REPS1: variants seen among roughly 807,000 people sequenced by gnomAD.
REPS1 encodes the protein ralBP1-associated Eps domain-containing protein 1.
A neutral mutation model predicts 100.9 loss-of-function variants in REPS1; 39 were observed. That is an observed-to-expected ratio of 0.39 (90% CI 0.30 to 0.50). The LOEUF is 0.50. REPS1 is among the 20% of genes least tolerant of loss of function. The pLI is 0.86. For synonymous variants in REPS1, 324 were observed against 340.3 expected (o/e 0.95, Z 0.53); for missense variants, 821 against 968.5 (o/e 0.85, Z 2.02).
At chr6:138,934,197 G>A (rs1582766359) in intron 8 of REPS1, 3 of 355,176 alleles carry the variant, frequency 8.4e-6, no homozygotes, top group Admixed American at 3.5e-5. Context: ...GTATTTTTCC[G>A]GAGGCAGGGG....
intron 8 of REPS1, among the ~76,000 whole-genome samples, chr6:138,940,561 A>C (rs984825123): frequency 6.6e-6 from 1 of 152,080 alleles, no homozygotes; most frequent in Admixed American, 6.6e-5. Context: ...CCTGGCCAAC[A>C]TGGTGAAACC....
At chr6:138,974,013 C>T (rs967563471) in intron 1 of REPS1, among the ~76,000 whole-genome samples, 2 of 152,148 alleles carry the variant, frequency 1.3e-5, no homozygotes, top group Admixed American at 6.5e-5. Context: ...ATTCAGTTTT[C>T]CAGGACAGGA....
In REPS1 at chr6:138,987,548, C is replaced by T. The variant is rs1785341757; in HGVS notation, c.135G>A (p.Pro45=). ...VLELFRAAQL[P]NDVVLQIMEL... is the part of the protein sequence containing the mutation. ...ACGTTACCTGTAGGACCACGTCGTT[C>T]GGCAGCTGCGCGGCCCGGAACAGCT... is the stretch of plus-strand genomic sequence containing the variant. The change falls in exon 1 of 20, where the codon CCG becomes CCA. Residue 45 remains proline, a synonymous_variant. Coordinates refer to ENST00000450536, the MANE Select transcript of REPS1 (RefSeq NM_001286611.2). 2.6e-6 allele frequency: 4 copies of T among 1,549,612 alleles called. No individual in the cohort carries two copies. In the South Asian group the frequency reaches 3.6e-5, roughly 14 times the overall value.
rs369905244 is a variant in REPS1, at chr6:138,942,897, G to A, written c.980+616C>T. Among the ~76,000 whole-genome samples the A allele has an allele frequency of 5.3e-5, 8 of 151,798 alleles. No homozygotes were observed. The East Asian group carries it at 9.7e-4, about 18-fold the overall frequency. On this transcript the variant is annotated intron_variant, in intron 7 of 19. Transcript: ENST00000450536. ...AGCCTCCCCAGTAGTTGGGATTACA[G>A]GCATGTGCCACCATGCCCGGCTAAT... is the stretch of plus-strand genomic sequence containing the variant.
chr6:138,969,451 ATTTTTT>A (rs1297090821), intron 1 of REPS1, among the ~76,000 whole-genome samples: 4 of 133,146 alleles, frequency 3.0e-5, no homozygotes, highest in African/African-American at 1.1e-4. Flanking sequence ...CAGCTGGCCA[ATTTTTT>A]TTTTTTTTTT....
At chr6:138,923,457 T>C (rs1238790440) in intron 10 of REPS1, among the ~76,000 whole-genome samples, 1 of 152,250 alleles carries the variant, frequency 6.6e-6, no homozygotes, top group Admixed American at 6.5e-5. Flanking sequence ...TGTATGTGTA[T>C]ATAAAATCAG....
intron 1 of REPS1, among the ~76,000 whole-genome samples, chr6:138,986,229 C>G (rs1785250671): frequency 6.6e-6 from 1 of 152,196 alleles, no homozygotes; most frequent in South Asian, 2.1e-4. Flanking sequence ...CTATTTGTCC[C>G]TTTTCAACAG....
rs192197818 is a variant in REPS1 at position 138,938,224 on chromosome 6, G to A, written c.1135+3111C>T. On this transcript the variant is annotated intron_variant, in intron 8 of 19. Transcript: ENST00000450536. ...GTACTTCTGCCTATGAACCTTAGTA[G>A]TTCTATTTTATCTATGCATACCTGT... Among the ~76,000 whole-genome samples, 617 of 152,148 alleles carry A rather than the reference G, an allele frequency of 4.1e-3. 6 individuals are homozygous for A. Among genetic ancestry groups the A allele is most frequent in the African/African-American group, 0.014 (572 of 41,504 alleles).
chr6:138,920,935 G>T, intron 11 of REPS1, 102 bp downstream of exon 11: 1 of 795,898 alleles, frequency 1.3e-6, no homozygotes. Flanking sequence ...GAAAGTACTA[G>T]CTTAAAAAAT....
At position 138,987,757 on chromosome 6, in the gene REPS1, G is replaced by C; in HGVS notation, c.-75C>G. ...CCGGCCCCAGGAACCTGGGCCGGCA[G>C]GGGCTGCGCGTGGCCCGGCCTCCTG... On this transcript the variant is annotated 5_prime_UTR_variant, in exon 1 of 20. Coordinates refer to ENST00000450536, the MANE Select transcript of REPS1 (RefSeq NM_001286611.2). The C allele has an allele frequency of 7.1e-7, 1 of 1,409,562 alleles. No individual in the cohort carries two copies. Among genetic ancestry groups the C allele is most frequent in the Non-Finnish European group, 9.3e-7 (1 of 1,079,738 alleles). The allele number at this position is 1,409,562 out of a possible 1,614,324, so 87.3% of individuals were successfully genotyped here.
chr6:138,945,616 G>A lies in REPS1; in HGVS notation c.359C>T (p.Ser120Phe), dbSNP rs756685893. 6.2e-7 allele frequency: 1 copy of A among 1,613,566 alleles called. No homozygotes were observed. The highest frequency in any genetic ancestry group is 8.5e-7 in the Non-Finnish European group (1 of 1,179,800). ...SRHAASYSSD[S>F]ENQGSYSGVI... The stretch of plus-strand genomic sequence containing the variant: ...ACCAGAATACGACCCTTGATTTTCA[G>A]AATCTGAAGAATATGAGGCTGCATG... Residue 120 changes from serine (S) to phenylalanine (F), a missense_variant, in exon 3 of 20, where the codon TCT becomes TTT. Ser to Phe is a radical substitution (Grantham distance 155, BLOSUM62 -2). Coordinates refer to ENST00000450536, the MANE Select transcript of REPS1 (RefSeq NM_001286611.2).
intron 8 of REPS1, among the ~76,000 whole-genome samples, chr6:138,934,670 T>C (rs940653187): frequency 3.3e-5 from 5 of 152,232 alleles, no homozygotes; most frequent in Admixed American, 2.6e-4. Context: ...TACTAAAAAA[T>C]TGTCTCGAAA....
intron 7 of REPS1, among the ~76,000 whole-genome samples, 173 bp downstream of exon 7, chr6:138,943,340 C>A (rs745989793): frequency 2.6e-5 from 4 of 152,156 alleles, no homozygotes; most frequent in Non-Finnish European, 4.4e-5. Flanking sequence ...ATCAGTATCA[C>A]TTATTTCTTT....
rs1163494693 is a variant in REPS1, at chr6:138,943,985, C to A, written c.784G>T (p.Ala262Ser). 2.5e-6 allele frequency: 4 copies of A among 1,613,816 alleles called. No individual in the cohort carries two copies. Among genetic ancestry groups the A allele is most frequent in the Non-Finnish European group, 3.4e-6 (4 of 1,179,906 alleles). Residue 262 changes from alanine to serine, a missense_variant, in exon 6 of 20, where the codon GCT becomes TCT. Coordinates refer to ENST00000450536, the MANE Select transcript of REPS1 (RefSeq NM_001286611.2). Reference protein sequence around the residue: ...DQTTVRTVASATTAIEIRRQS... With the variant: ...DQTTVRTVASSTTAIEIRRQS... ...CTACGAATTTCAATGGCAGTTGTAGCTGATGCTACAGTTCGTACTGTTGTC... is the reference window on the plus strand; with the variant it reads ...CTACGAATTTCAATGGCAGTTGTAGATGATGCTACAGTTCGTACTGTTGTC...
In REPS1 at chr6:138,912,158, C is replaced by T. The variant is rs114514409; in HGVS notation, c.1971+607G>A. On this transcript the variant is annotated intron_variant, in intron 16 of 19. Transcript: ENST00000450536. ...GATTGCAGAATTCCTCTGGTCTCTC[C>T]AACTCCACATTTATGCTCAGCAATT... 7.5e-3 allele frequency among the ~76,000 whole-genome samples: 1,137 copies of T among 152,286 alleles called. 9 individuals carry two copies. The highest frequency in any genetic ancestry group is 0.025 in the African/African-American group (1,051 of 41,542).
At chr6:138,942,370 T>G (rs1762117711) in intron 7 of REPS1, among the ~76,000 whole-genome samples, 1 of 152,206 alleles carries the variant, frequency 6.6e-6, no homozygotes, top group African/African-American at 2.4e-5. Flanking sequence ...AAAAACCTAT[T>G]AAAAATGATT....
intron 13 of REPS1, chr6:138,916,210 C>CT (rs1229366582): frequency 8.5e-5 from 19 of 223,708 alleles, no homozygotes; most frequent in South Asian, 2.4e-4. Flanking sequence ...AGCAAAATTT[C>CT]TTTTTTTCTT....
At chr6:138,947,081 G>A (rs1782678712) in intron 2 of REPS1, among the ~76,000 whole-genome samples, 1 of 137,488 alleles carries the variant, frequency 7.3e-6, no homozygotes, top group African/African-American at 3.0e-5. Context: ...TCTCTCCTGT[G>A]GCCACATAAG....
chr6:138,923,810 AC>A (rs1780932774), intron 10 of REPS1, among the ~76,000 whole-genome samples: 1 of 152,200 alleles, frequency 6.6e-6, no homozygotes, highest in Non-Finnish European at 1.5e-5. Flanking sequence ...CTTTGCACTG[AC>A]TTTTACTGAG....
Sources: allele counts gnomAD v4.1 joint callset (sites outside exome capture counted in the v4.1 genomes callset), GRCh38; gene constraint gnomAD v4.1.1; transcripts MANE v1.5; gene names NCBI Gene and HGNC (gene_info 2026-07-23, HGNC 2026-07-21).